Variants in NELL2 observed in about 807,000 individuals in gnomAD.
The protein encoded by NELL2 is neural EGFL like 2.
In NELL2, 41 loss-of-function variants were observed where a neutral mutation model predicts 109.6. The ratio of observed to expected loss-of-function variants is 0.37; its 90% CI spans 0.29 to 0.49. NELL2 has a LOEUF of 0.49. Ranked by LOEUF, NELL2 falls within the 20% of genes least tolerant of loss-of-function variation. NELL2 has a pLI of 0.98. For missense variants in NELL2, 900 were observed against 1,008.3 expected (o/e 0.89, Z 1.45); for synonymous variants, 355 against 344.7 (o/e 1.03, Z -0.33).
upstream of NELL2, among the ~76,000 whole-genome samples, chr12:44,878,209 C>T (rs1945370734): frequency 6.6e-6 from 1 of 152,122 alleles, no homozygotes; most frequent in Admixed American, 6.6e-5. Flanking sequence ...GGCTTATCTC[C>T]AGTACCATAC....
intron 1 of NELL2, among the ~76,000 whole-genome samples, chr12:44,898,796 T>A (rs1410472670): frequency 6.6e-6 from 1 of 152,012 alleles, no homozygotes; most frequent in East Asian, 1.9e-4. Flanking sequence ...AGGTGGGTAA[T>A]AACAAACTAC....
At chr12:44,850,415 T>TAA in intron 2 of NELL2, among the ~76,000 whole-genome samples, 1 of 152,236 alleles carries the variant, frequency 6.6e-6, no homozygotes, top group Middle Eastern at 3.4e-3. Context: ...ATTTTTCTTT[T>TAA]AAAAGAATCA....
At chr12:44,859,713 A>T (rs1395772280) in intron 2 of NELL2, among the ~76,000 whole-genome samples, 1 of 152,200 alleles carries the variant, frequency 6.6e-6, no homozygotes, top group Non-Finnish European at 1.5e-5. Flanking sequence ...TGAAGAGAAT[A>T]AGCCAACGAG....
intron 3 of NELL2, among the ~76,000 whole-genome samples, chr12:44,813,159 GGA>G (rs1247572325): frequency 6.6e-6 from 1 of 151,944 alleles, no homozygotes. Context: ...AGCTATGACT[GGA>G]ATATATGCTG....
chr12:44,583,769 A>T (rs922732547), intron 15 of NELL2, among the ~76,000 whole-genome samples: 6 of 151,954 alleles, frequency 3.9e-5, no homozygotes, highest in Admixed American at 1.3e-4. Flanking sequence ...ACACTTCTAT[A>T]TATTTATTTA....
At chr12:44,509,361 A>G (rs1940874916) in intron 19 of NELL2, among the ~76,000 whole-genome samples, 1 of 152,232 alleles carries the variant, frequency 6.6e-6, no homozygotes, top group African/African-American at 2.4e-5. Context: ...AGTAAGTACC[A>G]TGCAAACATA....
chr12:44,639,697 G>C (rs1457138429), intron 13 of NELL2, among the ~76,000 whole-genome samples: 1 of 152,018 alleles, frequency 6.6e-6, no homozygotes, highest in East Asian at 1.9e-4. Flanking sequence ...CTCTTAAAAT[G>C]GTCCTCTTAA....
intron 12 of NELL2, among the ~76,000 whole-genome samples, chr12:44,679,584 C>A (rs1225291902): frequency 1.3e-5 from 2 of 152,124 alleles, no homozygotes; most frequent in Non-Finnish European, 2.9e-5. Context: ...AGCCACAGAA[C>A]CTTTGTGAAG....
At chr12:44,827,359 T>C (rs1334960357) in intron 2 of NELL2, among the ~76,000 whole-genome samples, 1 of 151,904 alleles carries the variant, frequency 6.6e-6, no homozygotes, top group Non-Finnish European at 1.5e-5. Flanking sequence ...TTTTTTACTA[T>C]AGTCACTCTG....
chr12:44,907,176 T>C (rs974745881), intron 1 of NELL2, among the ~76,000 whole-genome samples: 1 of 152,146 alleles, frequency 6.6e-6, no homozygotes, highest in Non-Finnish European at 1.5e-5. Flanking sequence ...TGCAGAACTA[T>C]GAGTCAATTA....
intron 10 of NELL2, among the ~76,000 whole-genome samples, chr12:44,712,681 T>C (rs1242540893): frequency 6.6e-6 from 1 of 151,988 alleles, no homozygotes; most frequent in Non-Finnish European, 1.5e-5. Flanking sequence ...CAAAAGCTTA[T>C]GATGATCTGA....
chr12:44,708,470 T>C (rs1366511790), intron 11 of NELL2, among the ~76,000 whole-genome samples: 2 of 152,196 alleles, frequency 1.3e-5, no homozygotes, highest in African/African-American at 4.8e-5. Context: ...GAACACACCA[T>C]CTTTAGCACT....
At chr12:44,577,480 T>TG (rs1944144875) in intron 15 of NELL2, among the ~76,000 whole-genome samples, 2 of 132,294 alleles carry the variant, frequency 1.5e-5, no homozygotes, top group African/African-American at 6.5e-5. Context: ...TTTTTTTTTT[T>TG]TTTTTTTTTT....
intron 12 of NELL2, among the ~76,000 whole-genome samples, chr12:44,702,739 C>A (rs1463156937): frequency 1.3e-5 from 2 of 152,022 alleles, no homozygotes; most frequent in African/African-American, 4.8e-5. Flanking sequence ...CCCTTTAGGA[C>A]TGAATCAGTA....
At position 44,753,188 on chromosome 12, in the gene NELL2, A is replaced by G. The variant is rs142146379; in HGVS notation, c.994+21559T>C. Reference sequence around the variant, plus strand: ...CAAGAGACCACAGCACCCTGTCCCTATCATGCCCCTACCTTATCCTGATTG... The same window carrying G: ...CAAGAGACCACAGCACCCTGTCCCTGTCATGCCCCTACCTTATCCTGATTG... On this transcript the variant is annotated intron_variant, in intron 9 of 19. Transcript: ENST00000429094. Among the ~76,000 whole-genome samples the G allele has an allele frequency of 1.7e-3, 266 of 152,174 alleles. 3 individuals carry two copies. In the East Asian group the frequency reaches 0.043, roughly 24 times the overall value.
intron 9 of NELL2, among the ~76,000 whole-genome samples, chr12:44,764,741 T>C (rs1379906825): frequency 6.6e-6 from 1 of 152,130 alleles, no homozygotes; most frequent in Non-Finnish European, 1.5e-5. Flanking sequence ...TGGGAGCCAT[T>C]ATGAGAAACA....
intron 15 of NELL2, among the ~76,000 whole-genome samples, chr12:44,599,311 T>A (rs1463008020): frequency 6.6e-6 from 1 of 151,974 alleles, no homozygotes; most frequent in Non-Finnish European, 1.5e-5. Context: ...AATTTTATAA[T>A]ATAATATGAG....
chr12:44,849,761 T>C (rs1037775743), intron 2 of NELL2, among the ~76,000 whole-genome samples: 17 of 152,030 alleles, frequency 1.1e-4, no homozygotes, highest in African/African-American at 2.9e-4. Context: ...AGCAGGAAAA[T>C]TGATCATCAA....
At chr12:44,879,719 C>G (rs1013744334), upstream of NELL2, among the ~76,000 whole-genome samples, 9 of 151,946 alleles carry the variant, frequency 5.9e-5, no homozygotes, top group Admixed American at 1.3e-4. Context: ...ACTGATTCTT[C>G]TGATAAGAGT....
Sources: allele counts gnomAD v4.1 joint callset (sites outside exome capture counted in the v4.1 genomes callset), GRCh38; gene constraint gnomAD v4.1.1; transcripts MANE v1.5; gene names NCBI Gene and HGNC (gene_info 2026-07-23, HGNC 2026-07-21).